The following VWC2 variants were observed in gnomAD, a reference collection of about 807,000 sequenced individuals.
The protein encoded by VWC2 is brorin.
In VWC2, 14 loss-of-function variants were observed where a neutral mutation model predicts 29.8. The observed-to-expected ratio is 0.47, with a 90% CI of 0.31 to 0.74. The LOEUF (loss-of-function observed/expected upper bound fraction) is 0.74, where lower values mean the gene tolerates loss of function less well. Among genes scored for constraint, VWC2 ranks in the 30% least tolerant of loss-of-function variants. The pLI, the probability that VWC2 is intolerant of heterozygous loss-of-function variation, is 0.05. For missense variants in VWC2, 457 were observed against 459.8 expected (o/e 0.99, Z 0.05); for synonymous variants, 213 against 199.0 (o/e 1.07, Z -0.59).
chr7:49,847,360 T>C (rs1187189867), intron 3 of VWC2, among the ~76,000 whole-genome samples: 2 of 152,132 alleles, frequency 1.3e-5, no homozygotes, highest in Admixed American at 6.6e-5. Context: ...AATAGTGTTA[T>C]CTGTGCTGTA....
intron 1 of VWC2, among the ~76,000 whole-genome samples, chr7:49,775,008 C>T (rs1788018772): frequency 6.6e-6 from 1 of 152,164 alleles, no homozygotes. Flanking sequence ...TTACGTGGTT[C>T]AAGGCAGAGC....
intron 3 of VWC2, among the ~76,000 whole-genome samples, chr7:49,907,097 A>G (rs1005316626): frequency 2.6e-5 from 4 of 152,202 alleles, no homozygotes; most frequent in Non-Finnish European, 5.9e-5. Flanking sequence ...ATAAGCTGGG[A>G]CATGTTTTTA....
chr7:49,843,525 A>G (rs1023879411), intron 3 of VWC2, among the ~76,000 whole-genome samples: 2 of 152,226 alleles, frequency 1.3e-5, no homozygotes, highest in Non-Finnish European at 2.9e-5. Context: ...TAATTTGACT[A>G]TTTTACTCAA....
chr7:49,788,604 ACT>A (rs779783301), intron 2 of VWC2, among the ~76,000 whole-genome samples: 36 of 143,470 alleles, frequency 2.5e-4, no homozygotes, highest in East Asian at 4.1e-4. Flanking sequence ...ACTTATCCAC[ACT>A]CTTATGAGTG....
At chr7:49,801,831 G>A (rs984544898) in intron 2 of VWC2, among the ~76,000 whole-genome samples, 4 of 152,262 alleles carry the variant, frequency 2.6e-5, no homozygotes, top group East Asian at 1.9e-4. Flanking sequence ...ATTTGAGTAC[G>A]TGTATTTTAG....
intron 3 of VWC2, among the ~76,000 whole-genome samples, chr7:49,909,475 T>G (rs1310313873): frequency 6.6e-6 from 1 of 152,090 alleles, no homozygotes; most frequent in Non-Finnish European, 1.5e-5. Context: ...GGCAGCAAAC[T>G]GTGGAGGCCA....
Position 49,775,647 on chromosome 7 carries a change from G to T in VWC2, c.212G>T (p.Gly71Val). 1 of 1,528,778 alleles carries T rather than the reference G, an allele frequency of 6.5e-7. No individual in the cohort carries two copies. The highest frequency in any genetic ancestry group is 8.8e-7 in the Non-Finnish European group (1 of 1,140,908). 94.7% of individuals were successfully genotyped at this position (1,528,778 alleles called of 1,614,324 possible). A position where few individuals can be genotyped will look rare whatever the true frequency, so the allele number is the denominator to read the frequency against. Residue 71 changes from glycine (G) to valine (V), a missense_variant, in exon 2 of 4, where the codon GGC becomes GTC. Coordinates refer to ENST00000340652, the MANE Select transcript of VWC2 (RefSeq NM_198570.5). Reference sequence around the variant, plus strand: ...GGGCGCCCGGCGAGGGACGAGGGCGGCAGCGGCCGGGACTGGAAGAGCAAG... The same window carrying T: ...GGGCGCCCGGCGAGGGACGAGGGCGTCAGCGGCCGGGACTGGAAGAGCAAG... ...ELGRPARDEGGSGRDWKSKSG... is the reference protein window; with the variant it reads ...ELGRPARDEGVSGRDWKSKSG...
intron 3 of VWC2, among the ~76,000 whole-genome samples, chr7:49,845,745 CA>C (rs370102282): frequency 3.3e-5 from 5 of 152,176 alleles, no homozygotes; most frequent in African/African-American, 1.2e-4. Flanking sequence ...CTTCCCAGTA[CA>C]AAACAGACAT....
At chr7:49,826,063 C>G (rs1292726272) in intron 3 of VWC2, among the ~76,000 whole-genome samples, 1 of 152,106 alleles carries the variant, frequency 6.6e-6, no homozygotes, top group East Asian at 1.9e-4. Flanking sequence ...AAAAACCCAC[C>G]ACAGGCAAAA....
intron 3 of VWC2, among the ~76,000 whole-genome samples, chr7:49,845,589 T>C (rs901883465): frequency 1.3e-5 from 2 of 152,254 alleles, no homozygotes; most frequent in Non-Finnish European, 2.9e-5. Context: ...AGAATATTTG[T>C]GGCCAAGAGG....
At chr7:49,858,159 T>C (rs1023679953) in intron 3 of VWC2, among the ~76,000 whole-genome samples, 4 of 152,198 alleles carry the variant, frequency 2.6e-5, no homozygotes, top group Non-Finnish European at 1.5e-5. Flanking sequence ...CCAGCACCTG[T>C]TGCTTCCTGG....
At chr7:49,802,630 T>C (rs1788768905) in intron 2 of VWC2, 81 bp from the exon 3 acceptor site, 2 of 1,571,188 alleles carry the variant, frequency 1.3e-6, no homozygotes, top group Non-Finnish European at 1.7e-6. Context: ...AGAGCGAGAC[T>C]CCATTTCAAA....
At position 49,921,830 on chromosome 7, in the gene VWC2, G is replaced by A. The variant is rs1562777590; in HGVS notation, c.*9645G>A. 6.6e-6 allele frequency: 1 copy of A among 152,142 alleles called. No individual in the cohort carries two copies. The highest frequency in any genetic ancestry group is 1.9e-4 in the East Asian group (1 of 5,188). 9.4% of individuals were successfully genotyped at this position (152,142 alleles called of 1,614,324 possible). On this transcript the variant is annotated 3_prime_UTR_variant, in exon 4 of 4. Coordinates refer to ENST00000340652, the MANE Select transcript of VWC2 (RefSeq NM_198570.5). ...TTATATATATATTTACCAGAAAAAT[G>A]TTTTGTAATACCTTAATTTTATGTG...
chr7:49,898,426 C>T (rs1402638238), intron 3 of VWC2, among the ~76,000 whole-genome samples: 1 of 151,812 alleles, frequency 6.6e-6, no homozygotes, highest in Non-Finnish European at 1.5e-5. Context: ...GAACTTTGAA[C>T]ATTTCTTGTA....
chr7:49,898,111 A>G (rs1394125844), intron 3 of VWC2, among the ~76,000 whole-genome samples: 1 of 151,904 alleles, frequency 6.6e-6, no homozygotes, highest in Admixed American at 6.6e-5. Context: ...TGCTTTACAT[A>G]TATGTGTGTG....
At chr7:49,831,105 TCTTTGG>T (rs1350767453) in intron 3 of VWC2, among the ~76,000 whole-genome samples, 1 of 152,144 alleles carries the variant, frequency 6.6e-6, no homozygotes, top group East Asian at 1.9e-4. Flanking sequence ...TAATCACTCT[TCTTTGG>T]CTTTGGCTGA....
intron 3 of VWC2, among the ~76,000 whole-genome samples, chr7:49,898,760 T>A (rs899515916): frequency 6.6e-6 from 1 of 152,110 alleles, no homozygotes; most frequent in Non-Finnish European, 1.5e-5. Context: ...ACCCACAAAG[T>A]GGTTTAGTGT....
At chr7:49,883,661 GA>G (rs1286481331) in intron 3 of VWC2, among the ~76,000 whole-genome samples, 3 of 152,094 alleles carry the variant, frequency 2.0e-5, no homozygotes, top group Non-Finnish European at 4.4e-5. Context: ...AAAATTGACA[GA>G]AAAAGAGGAA....
chr7:49,828,081 TTTCCGC>T (rs1269187795), intron 3 of VWC2, among the ~76,000 whole-genome samples: 1 of 152,208 alleles, frequency 6.6e-6, no homozygotes, highest in Non-Finnish European at 1.5e-5. Flanking sequence ...CTCTAGATTA[TTTCCGC>T]TTGTTCAGAG....
Sources: allele counts gnomAD v4.1 joint callset (sites outside exome capture counted in the v4.1 genomes callset), GRCh38; gene constraint gnomAD v4.1.1; transcripts MANE v1.5; gene names NCBI Gene and HGNC (gene_info 2026-07-23, HGNC 2026-07-21).